TTC28: variants seen among roughly 807,000 people sequenced by gnomAD.
The protein encoded by TTC28 is tetratricopeptide repeat domain 28.
Under a neutral mutation model 198.0 loss-of-function variants are expected in TTC28, and 61 were observed. That is an observed-to-expected ratio of 0.31 (90% CI 0.25 to 0.38). TTC28 has a LOEUF of 0.38. Among genes scored for constraint, TTC28 ranks in the 10% least tolerant of loss-of-function variants. TTC28 has a pLI of 1.00. For synonymous variants in TTC28, 1,171 were observed against 1,297.8 expected, an observed-to-expected ratio of 0.90 and a Z score of 2.10; for missense variants, 2,678 against 3,164.0, an observed-to-expected ratio of 0.85 and a Z score of 3.69.
chr22:28,675,348 G>T (rs574263329), intron 1 of TTC28, among the ~76,000 whole-genome samples: 35 of 152,310 alleles, frequency 2.3e-4, no homozygotes, highest in South Asian at 2.1e-3. Context: ...CATGACCTTA[G>T]ATTTGGCAAT....
intron 2 of TTC28, among the ~76,000 whole-genome samples, chr22:28,513,761 T>C (rs1374093564): frequency 6.6e-6 from 1 of 152,154 alleles, no homozygotes; most frequent in Non-Finnish European, 1.5e-5. Flanking sequence ...AATAAAAATA[T>C]ACATATATCT....
intron 2 of TTC28, among the ~76,000 whole-genome samples, chr22:28,345,808 G>A (rs2045895111): frequency 6.6e-6 from 1 of 152,252 alleles, no homozygotes; most frequent in African/African-American, 2.4e-5. Context: ...CAGTAACGTA[G>A]TACAACCTCT....
chr22:28,016,518 C>T (rs1477994850), intron 13 of TTC28, among the ~76,000 whole-genome samples: 2 of 152,182 alleles, frequency 1.3e-5, no homozygotes, highest in Non-Finnish European at 2.9e-5. Flanking sequence ...TCCTATGTAC[C>T]TCAAGTTTCA....
chr22:28,539,753 G>A (rs374784879), intron 2 of TTC28, among the ~76,000 whole-genome samples: 2 of 152,180 alleles, frequency 1.3e-5, no homozygotes, highest in African/African-American at 4.8e-5. Context: ...TCAAGAAGAA[G>A]GTGGTCGACA....
chr22:27,999,138 G>A lies in TTC28; in HGVS notation c.4521C>T (p.Ala1507=), dbSNP rs776734507. ...CGGACACCATGTAGGCCTCTTCCTCGGCCGATGGCATGGGCCCCCACAGCC... is the reference window on the plus strand; with the variant it reads ...CGGACACCATGTAGGCCTCTTCCTCAGCCGATGGCATGGGCCCCCACAGCC... ...DRWLWGPMPS[A]EEEAYMVSEL... Residue 1507 remains alanine, a synonymous_variant, in exon 16 of 23, where the codon GCC becomes GCT. Transcript: ENST00000397906. 1.5e-5 allele frequency: 24 copies of A among 1,550,368 alleles called. No individual in the cohort carries two copies. Among genetic ancestry groups the A allele is most frequent in the South Asian group, 3.6e-5 (3 of 84,070 alleles).
At chr22:28,334,873 T>G (rs2045682900) in intron 2 of TTC28, among the ~76,000 whole-genome samples, 1 of 152,240 alleles carries the variant, frequency 6.6e-6, no homozygotes. Flanking sequence ...ATCCCATTTG[T>G]CAATTTTGGC....
chr22:27,994,754 G>C (rs751986976), intron 17 of TTC28: 1 of 152,462 alleles, frequency 6.6e-6, no homozygotes, highest in Admixed American at 6.5e-5. Context: ...GGGCCTCAAG[G>C]CCATGTAGGG....
Position 28,326,901 on chromosome 22 carries a change from T to C in TTC28, c.382-20258A>G, listed in dbSNP as rs139613447. 5.9e-5 allele frequency among the ~76,000 whole-genome samples: 9 copies of C among 152,026 alleles called. No homozygotes were observed. In the East Asian group the frequency reaches 1.5e-3, roughly 26 times the overall value. ...GAGACCTGTGGAAGATTGTTTTAAA[T>C]ATATTATACTAAAGGCGTTTTTAAA... On this transcript the variant is annotated intron_variant, in intron 2 of 22. Coordinates refer to ENST00000397906, the MANE Select transcript of TTC28 (RefSeq NM_001145418.2).
intron 5 of TTC28, among the ~76,000 whole-genome samples, chr22:28,215,618 G>T (rs1322068862): frequency 1.3e-5 from 2 of 152,100 alleles, no homozygotes; most frequent in Non-Finnish European, 2.9e-5. Context: ...TGGTGTGTGT[G>T]TGTATGTGTG....
At chr22:28,608,374 T>G (rs1427240053) in intron 2 of TTC28, among the ~76,000 whole-genome samples, 1 of 152,228 alleles carries the variant, frequency 6.6e-6, no homozygotes, top group Admixed American at 6.5e-5. Context: ...TTCACAAGAC[T>G]GTATTCGGCC....
At chr22:27,997,790 G>A (rs1937578480) in intron 16 of TTC28, 1 of 152,324 alleles carries the variant, frequency 6.6e-6, no homozygotes, top group South Asian at 2.1e-4. Flanking sequence ...GAGGGAACAG[G>A]CCCAGGGTTT....
intron 2 of TTC28, among the ~76,000 whole-genome samples, chr22:28,620,424 G>C (rs536941313): frequency 3.3e-5 from 5 of 152,096 alleles, no homozygotes; most frequent in African/African-American, 1.2e-4. Flanking sequence ...ACATAATTCT[G>C]ACTGAAAAAT....
chr22:28,390,697 T>C (rs1310473802), intron 2 of TTC28, among the ~76,000 whole-genome samples: 1 of 152,202 alleles, frequency 6.6e-6, no homozygotes, highest in African/African-American at 2.4e-5. Flanking sequence ...ATTTGCTTGG[T>C]AGATCTTCCT....
intron 14 of TTC28, among the ~76,000 whole-genome samples, chr22:28,006,190 G>A (rs1937922703): frequency 6.6e-6 from 1 of 152,150 alleles, no homozygotes; most frequent in Admixed American, 6.5e-5. Context: ...TGAAAAACCA[G>A]TAGGGTTGGG....
At position 28,629,683 on chromosome 22, in the gene TTC28, C is replaced by G; in HGVS notation, c.250G>C (p.Ala84Pro). 6 of 1,551,624 alleles carry G rather than the reference C, an allele frequency of 3.9e-6. No individual in the cohort carries two copies. Among genetic ancestry groups the G allele is most frequent in the Non-Finnish European group, 5.2e-6 (6 of 1,146,976 alleles). ...CAGTTCTGAGGGTCAACAGCCAGGG[C>G]TTCATTATACAGAACAATAGCTGTG... is the stretch of plus-strand genomic sequence containing the variant. ...FHTAIVLYNE[A>P]LAVDPQNCIL... Residue 84 changes from alanine to proline, a missense_variant, in exon 2 of 23, where the codon GCC becomes CCC. By Grantham distance (27) the Ala-to-Pro change is conservative (BLOSUM62 -1). This residue lies in a region of TTC28 where 176 missense variants were observed against 197.9 expected (regional missense o/e 0.89). Transcript: ENST00000397906.
At chr22:28,565,994 G>C (rs1420030442) in intron 2 of TTC28, among the ~76,000 whole-genome samples, 1 of 152,204 alleles carries the variant, frequency 6.6e-6, no homozygotes, top group Non-Finnish European at 1.5e-5. Flanking sequence ...AGCTCCACAT[G>C]TGAAACACTG....
chr22:28,632,950 C>A (rs1555904760), intron 1 of TTC28, among the ~76,000 whole-genome samples: 3 of 151,052 alleles, frequency 2.0e-5, no homozygotes, highest in Non-Finnish European at 2.9e-5. Context: ...CATAGCAAGA[C>A]CCTGTCTCTA....
intron 2 of TTC28, among the ~76,000 whole-genome samples, chr22:28,597,872 G>C (rs750800225): frequency 6.6e-6 from 1 of 152,002 alleles, no homozygotes; most frequent in Non-Finnish European, 1.5e-5. Context: ...CCTCACTGCA[G>C]CATTGAGCTC....
intron 12 of TTC28, among the ~76,000 whole-genome samples, chr22:28,079,439 G>A (rs75709983): frequency 0.037 from 5,642 of 151,982 alleles, 130 homozygotes; most frequent in East Asian, 0.051. Context: ...TGTATCTTGT[G>A]TGCAACAAAT....
Sources: gnomAD v4.1 joint callset for allele counts (sites outside exome capture counted in the v4.1 genomes callset) on GRCh38, gnomAD v4.1.1 for gene constraint, gnomAD v4.1.1 regional missense constraint, MANE v1.5 for transcripts, NCBI Gene and HGNC (gene_info 2026-07-23, HGNC 2026-07-21) for gene names.